Variants in ZNF565 observed in about 807,000 individuals in gnomAD.
ZNF565 encodes the protein zinc finger protein 565.
ZNF565 carries 27 observed loss-of-function variants against 39.4 expected under a neutral mutation model. The ratio of observed to expected loss-of-function variants is 0.69; its 90% CI spans 0.51 to 0.95. ZNF565 has a LOEUF of 0.95. ZNF565 is among the 40% of genes least tolerant of loss of function. The probability of loss-of-function intolerance (pLI) is 0.00; values close to 1 mark genes in which losing one functional copy is unlikely to be tolerated. For synonymous variants in ZNF565, 185 were observed against 216.6 expected, an observed-to-expected ratio of 0.85 and a Z score of 1.28; for missense variants, 524 against 621.1, an observed-to-expected ratio of 0.84 and a Z score of 1.66.
intron 1 of ZNF565, among the ~76,000 whole-genome samples, chr19:36,230,352 C>G (rs1029826710): frequency 5.9e-5 from 9 of 152,160 alleles, no homozygotes; most frequent in African/African-American, 2.2e-4. Context: ...TCAAAAATTT[C>G]TTCCTCCTAG....
At chr19:36,236,948 T>C in intron 1 of ZNF565, 1 of 1,614,066 alleles carries the variant, frequency 6.2e-7, no homozygotes, top group Non-Finnish European at 8.5e-7. Flanking sequence ...CCAGAAGAAG[T>C]ACCTCATAAA....
At chr19:36,240,408 C>T (rs2145478617) in intron 1 of ZNF565, among the ~76,000 whole-genome samples, 1 of 152,126 alleles carries the variant, frequency 6.6e-6, no homozygotes, top group South Asian at 2.1e-4. Context: ...GTGACAGAGA[C>T]CCTGTCGAAA....
intron 1 of ZNF565, among the ~76,000 whole-genome samples, chr19:36,214,270 T>C (rs1976492897): frequency 6.6e-6 from 1 of 151,300 alleles, no homozygotes; most frequent in African/African-American, 2.4e-5. Context: ...CGCACACACC[T>C]TGGAGACATG....
In ZNF565 at chr19:36,245,579, T is replaced by C. The variant is rs1308282734; in HGVS notation, c.-49A>G. On this transcript the variant is annotated 5_prime_UTR_variant, in exon 1 of 5. Transcript: ENST00000355114. The surrounding 1 kb of genome is among the most constrained non-coding windows in gnomAD (Gnocchi z 4.4). Reference sequence around the variant, plus strand: ...TACATTTCCCAGGGTCCACCGCGGATCTAGGAGGAGGCTTGAGATGCAGCC... The same window carrying C: ...TACATTTCCCAGGGTCCACCGCGGACCTAGGAGGAGGCTTGAGATGCAGCC... 7.1e-6 allele frequency: 5 copies of C among 702,024 alleles called. No homozygotes were observed. The East Asian group carries it at 1.1e-4, about 15-fold the overall frequency. 43.5% of individuals were successfully genotyped at this position (702,024 alleles called of 1,614,324 possible). A position where few individuals can be genotyped will look rare whatever the true frequency, so the allele number is the denominator to read the frequency against.
rs142095465 is a variant in ZNF565 at position 36,183,671 on chromosome 19, A to G, written c.295T>C (p.Trp99Arg). Residue 99 changes from tryptophan (W) to arginine (R), a missense_variant, in exon 5 of 5, where the codon TGG becomes CGG. Physicochemically the swap from Trp to Arg is moderately radical, Grantham distance 101. Coordinates refer to ENST00000304116, the MANE Select transcript of ZNF565 (RefSeq NM_152477.5). ...CATTTAAGGCTTTCCATTATCTCCC[A>G]GTTGAATGCCCCGATTTCAAAAATG... is the stretch of plus-strand genomic sequence containing the variant. ...KDIFEIGAFN[W>R]EIMESLKCSD... 20 of 1,613,802 alleles carry G rather than the reference A, an allele frequency of 1.2e-5. No homozygotes were observed. In the East Asian group the frequency reaches 3.8e-4, roughly 31 times the overall value.
upstream of ZNF565, among the ~76,000 whole-genome samples, chr19:36,216,488 T>C (rs941802568): frequency 1.3e-5 from 2 of 151,456 alleles, no homozygotes; most frequent in Admixed American, 6.6e-5. Context: ...TAAAAAAAAA[T>C]AAAATAAAAA....
Position 36,199,089 on chromosome 19 carries a change from A to G in ZNF565, c.9+2888T>C, listed in dbSNP as rs189564873. Among the ~76,000 whole-genome samples, 15 of 151,678 alleles carry G rather than the reference A, an allele frequency of 9.9e-5. No individual in the cohort carries two copies. In the East Asian group the frequency reaches 2.9e-3, roughly 29 times the overall value. Reference sequence around the variant, plus strand: ...CAAAAATTAAAAATTAAAAAAATTTAAAAACACAAGATGTGTAAAATCTTC... The same window carrying G: ...CAAAAATTAAAAATTAAAAAAATTTGAAAACACAAGATGTGTAAAATCTTC... On this transcript the variant is annotated intron_variant, in intron 2 of 4. Coordinates refer to ENST00000304116, the MANE Select transcript of ZNF565 (RefSeq NM_152477.5).
At chr19:36,241,456 C>A (rs1977798594) in intron 1 of ZNF565, among the ~76,000 whole-genome samples, 1 of 140,496 alleles carries the variant, frequency 7.1e-6, no homozygotes. Context: ...TGAACTCCGG[C>A]CTGGGTGACA....
chr19:36,200,220 T>G (rs920682108), intron 2 of ZNF565, among the ~76,000 whole-genome samples: 4 of 150,966 alleles, frequency 2.6e-5, no homozygotes, highest in African/African-American at 4.9e-5. Context: ...CAGACAGAGT[T>G]TCATCATGTT....
intron 1 of ZNF565, among the ~76,000 whole-genome samples, chr19:36,207,291 C>T (rs959040852): frequency 6.6e-6 from 1 of 152,136 alleles, no homozygotes; most frequent in Admixed American, 6.6e-5. Context: ...CGCCTGTAAT[C>T]CTGGCACTTT....
chr19:36,199,658 C>A (rs1243086872), intron 2 of ZNF565, among the ~76,000 whole-genome samples: 1 of 151,872 alleles, frequency 6.6e-6, no homozygotes, highest in African/African-American at 2.4e-5. Context: ...AGGTGGCATG[C>A]CACTGCACCT....
rs1242797987 is a variant in ZNF565 at position 36,245,612 on chromosome 19, T to C, written c.-82A>G. On this transcript the variant is annotated 5_prime_UTR_variant, in exon 1 of 5. Coordinates refer to the ZNF565 transcript ENST00000355114. This position sits in a 1 kb window ranked among gnomAD's most constrained non-coding sequence, Gnocchi z 4.4. ...GAGGCTTGAGATGCAGCCTCCCAGC[T>C]TCGAGGCTACCACCTGCCCGAATTG... is the stretch of plus-strand genomic sequence containing the variant. 16 of 700,500 alleles carry C rather than the reference T, an allele frequency of 2.3e-5. No individual in the cohort carries two copies. The highest frequency in any genetic ancestry group is 4.6e-4 in the Middle Eastern group (2 of 4,376). The allele number at this position is 700,500 out of a possible 1,614,324, so 43.4% of individuals were successfully genotyped here.
Position 36,214,086 on chromosome 19 carries a change from ACACT to A in ZNF565, c.-66+532_-66+535del, listed in dbSNP as rs559603147. On this transcript the variant is annotated intron_variant, in intron 1 of 4. Transcript: ENST00000304116. ...TTTCACTGTGGACATACACACAGTC[ACACT>A]CACACAAGCAACCCACACAAGCAGT... Among the ~76,000 whole-genome samples, 69 of 152,076 alleles carry A rather than the reference ACACT, an allele frequency of 4.5e-4. 1 individual carries two copies. The Middle Eastern group carries it at 0.01, about 22-fold the overall frequency.
chr19:36,194,176 C>T (rs143174105), intron 4 of ZNF565, 57 bp downstream of exon 4: 189 of 1,443,144 alleles, frequency 1.3e-4, no homozygotes, highest in Non-Finnish European at 1.7e-4. Context: ...ACTCAAGTTA[C>T]TCCTGTCAGT....
chr19:36,199,647 C>T (rs552160496), intron 2 of ZNF565, among the ~76,000 whole-genome samples: 2 of 151,734 alleles, frequency 1.3e-5, no homozygotes, highest in South Asian at 2.1e-4. Flanking sequence ...GCTGGGACTA[C>T]AGGTGGCATG....
At chr19:36,199,506 C>CTTT (rs1183093969) in intron 2 of ZNF565, among the ~76,000 whole-genome samples, 4 of 128,954 alleles carry the variant, frequency 3.1e-5, no homozygotes, top group Non-Finnish European at 3.3e-5. Flanking sequence ...CTTTCTTTCT[C>CTTT]TTTTTTTTTT....
intron 1 of ZNF565, among the ~76,000 whole-genome samples, chr19:36,221,312 G>A (rs1258839044): frequency 4.2e-5 from 5 of 118,550 alleles, no homozygotes; most frequent in Admixed American, 9.7e-5. Context: ...TTTTTGAGAC[G>A]GAGTCTCACT....
At position 36,245,157 on chromosome 19, in the gene ZNF565, G is replaced by C. The variant is rs549946684; in HGVS notation, c.55+319C>G. Among the ~76,000 whole-genome samples, 1 of 152,308 alleles carries C rather than the reference G, an allele frequency of 6.6e-6. No homozygotes were observed. Among genetic ancestry groups the C allele is most frequent in the Admixed American group, 6.5e-5 (1 of 15,296 alleles). On this transcript the variant is annotated intron_variant, in intron 1 of 4. Coordinates refer to the ZNF565 transcript ENST00000355114. The surrounding 1 kb of genome is among the most constrained non-coding windows in gnomAD (Gnocchi z 4.4). ...CTGCCCTTGCGAGAGCCATGGATTC[G>C]CATTTGCGCAGAGTCGGGGTCTGTT...
chr19:36,228,158 CAA>C (rs71171422), intron 1 of ZNF565, among the ~76,000 whole-genome samples: 209 of 106,592 alleles, frequency 2.0e-3, no homozygotes, highest in East Asian at 4.0e-3. Context: ...GAAACTGTCT[CAA>C]AAAAAAAAAA....
Sources: allele counts gnomAD v4.1 joint callset (sites outside exome capture counted in the v4.1 genomes callset), GRCh38; gene constraint gnomAD v4.1.1; non-coding constraint Gnocchi (gnomAD v3.1); transcripts MANE v1.5; gene names NCBI Gene and HGNC (gene_info 2026-07-23, HGNC 2026-07-21).